The following KMO variants were observed in gnomAD, a reference collection of about 807,000 sequenced individuals.
The protein encoded by KMO is kynurenine 3-hydroxylase.
In KMO, 24 loss-of-function variants were observed where a neutral mutation model predicts 57.8. The observed-to-expected ratio is 0.42, with a 90% CI of 0.30 to 0.58. The LOEUF (loss-of-function observed/expected upper bound fraction) is 0.58. Among genes scored for constraint, KMO ranks in the 20% least tolerant of loss-of-function variants. The probability of loss-of-function intolerance (pLI) is 0.22; values close to 1 mark genes in which losing one functional copy is unlikely to be tolerated. For missense variants in KMO, 483 were observed against 588.2 expected (o/e 0.82, Z 1.85); for synonymous variants, 210 against 193.6 (o/e 1.08, Z -0.70).
At chr1:241,545,242 G>A (rs1014140122) in intron 1 of KMO, among the ~76,000 whole-genome samples, 11 of 152,148 alleles carry the variant, frequency 7.2e-5, no homozygotes, top group African/African-American at 2.4e-4. Flanking sequence ...AGCTTAGAAG[G>A]ACAGACAGAT....
chr1:241,570,331 T>A (rs1283301984), intron 10 of KMO, among the ~76,000 whole-genome samples: 2 of 152,050 alleles, frequency 1.3e-5, no homozygotes. Flanking sequence ...GTTTTTGAGG[T>A]CTTACTTAGA....
chr1:241,585,343 T>C (rs1375261569), intron 10 of KMO, among the ~76,000 whole-genome samples: 2 of 152,284 alleles, frequency 1.3e-5, no homozygotes, highest in East Asian at 1.9e-4. Flanking sequence ...AAAACTATTA[T>C]CTCAGCCCCA....
At chr1:241,543,531 C>T (rs1454128809) in intron 1 of KMO, among the ~76,000 whole-genome samples, 1 of 152,074 alleles carries the variant, frequency 6.6e-6, no homozygotes, top group Non-Finnish European at 1.5e-5. Context: ...CGGGCTATTC[C>T]CCGCTTTTTT....
At chr1:241,584,198 C>T (rs1662874533) in intron 10 of KMO, among the ~76,000 whole-genome samples, 1 of 150,426 alleles carries the variant, frequency 6.6e-6, no homozygotes, top group African/African-American at 2.4e-5. Flanking sequence ...TCTCATTGTT[C>T]AATTCCCACC....
intron 10 of KMO, among the ~76,000 whole-genome samples, chr1:241,583,964 C>G (rs193018287): frequency 6.6e-6 from 1 of 152,164 alleles, no homozygotes; most frequent in East Asian, 1.9e-4. Context: ...AAACATTTAT[C>G]TCATTTACTT....
At chr1:241,557,656 T>C (rs894187274) in intron 5 of KMO, among the ~76,000 whole-genome samples, 16 of 152,186 alleles carry the variant, frequency 1.1e-4, no homozygotes, top group African/African-American at 3.1e-4. Context: ...TATATTCAGG[T>C]TGATCTCAAG....
At chr1:241,583,756 A>C (rs866780049) in intron 10 of KMO, among the ~76,000 whole-genome samples, 15 of 152,174 alleles carry the variant, frequency 9.9e-5, no homozygotes, top group African/African-American at 3.6e-4. Flanking sequence ...TCCAATCAAA[A>C]CTTGACTGAG....
intron 14 of KMO, 187 bp downstream of exon 14, chr1:241,590,450 GCAAAGAGA>G: frequency 5.6e-6 from 3 of 535,816 alleles, no homozygotes; most frequent in Non-Finnish European, 9.9e-6. Context: ...CAAGGAGGTG[GCAAAGAGA>G]GCTTTTGAAG....
intron 1 of KMO, among the ~76,000 whole-genome samples, chr1:241,534,111 A>G (rs903054585): frequency 6.6e-6 from 1 of 152,214 alleles, no homozygotes; most frequent in African/African-American, 2.4e-5. Context: ...TCAAATTACA[A>G]TGGGAAACTA....
chr1:241,560,576 T>C (rs1296142712), intron 5 of KMO, 89 bp from the exon 6 acceptor site: 4 of 938,442 alleles, frequency 4.3e-6, no homozygotes, highest in Middle Eastern at 2.1e-4. Flanking sequence ...TACCATACTG[T>C]TCCCAGAAAA....
chr1:241,594,454 C>A lies in KMO; in HGVS notation c.*2301C>A. 6.2e-7 allele frequency: 1 copy of A among 1,613,466 alleles called. No individual in the cohort carries two copies. The highest frequency in any genetic ancestry group is 8.5e-7 in the Non-Finnish European group (1 of 1,179,508). On this transcript the variant is annotated 3_prime_UTR_variant, in exon 15 of 15. Coordinates refer to ENST00000366559, the MANE Select transcript of KMO (RefSeq NM_003679.5). ...TACAAAGGACGAACTTGGATTACAT[C>A]AACTTTGGACCCATTGGTTTTGTCG...
At chr1:241,579,746 C>T (rs1662677072) in intron 10 of KMO, among the ~76,000 whole-genome samples, 1 of 152,148 alleles carries the variant, frequency 6.6e-6, no homozygotes, top group African/African-American at 2.4e-5. Flanking sequence ...CTTCTGCACT[C>T]GTGGCTGTAG....
chr1:241,549,480 G>C (rs761842782), intron 2 of KMO, among the ~76,000 whole-genome samples, 197 bp from the exon 3 acceptor site: 2 of 151,820 alleles, frequency 1.3e-5, no homozygotes, highest in Non-Finnish European at 2.9e-5. Flanking sequence ...AAAAAAACTA[G>C]TTTTGTTTAA....
intron 14 of KMO, 43 bp from the exon 15 acceptor site, chr1:241,591,910 T>C: frequency 6.6e-7 from 1 of 1,522,320 alleles, no homozygotes; most frequent in Non-Finnish European, 9.1e-7. Flanking sequence ...TTTCAGATTT[T>C]AATCTCTGGA....
In KMO at chr1:241,550,963, C is replaced by A; in HGVS notation, c.231C>A (p.Ser77=). 1 of 1,517,042 alleles carries A rather than the reference C, an allele frequency of 6.6e-7. No individual in the cohort carries two copies. The highest frequency in any genetic ancestry group is 8.9e-7 in the Non-Finnish European group (1 of 1,129,930). 94.0% of individuals were successfully genotyped at this position (1,517,042 alleles called of 1,614,324 possible). ...TTCTGGTTTCATTTCAGATTGTATC[C>A]CAAGGTATTCCCATGAGAGCAAGAA... ...KAVGLEDQIV[S]QGIPMRARMI... Residue 77 remains serine (S), a synonymous_variant, in exon 4 of 15, where the codon TCC becomes TCA. Transcript: ENST00000366559.
At chr1:241,570,191 T>C (rs1662223387) in intron 10 of KMO, among the ~76,000 whole-genome samples, 1 of 152,060 alleles carries the variant, frequency 6.6e-6, no homozygotes, top group Admixed American at 6.5e-5. Flanking sequence ...CTCTTCACTT[T>C]GTTAATTGTT....
Position 241,595,599 on chromosome 1 carries a change from T to A in KMO, c.*3446T>A, listed in dbSNP as rs926754593. The A allele has an allele frequency of 1.3e-5, 2 of 152,232 alleles. No individual in the cohort carries two copies. Among genetic ancestry groups the A allele is most frequent in the East Asian group, 3.8e-4 (2 of 5,206 alleles). 9.4% of individuals were successfully genotyped at this position (152,232 alleles called of 1,614,324 possible). On this transcript the variant is annotated 3_prime_UTR_variant, in exon 15 of 15. Coordinates refer to ENST00000366559, the MANE Select transcript of KMO (RefSeq NM_003679.5). ...GAAATAAATGTTGAATATATGGACT[T>A]TCTCAGATTAGGAAATACCAATTAA...
intron 13 of KMO, 42 bp downstream of exon 13, chr1:241,590,155 G>A (rs745362246): frequency 6.2e-7 from 1 of 1,608,702 alleles, no homozygotes; most frequent in Non-Finnish European, 8.5e-7. Context: ...TTGATTTTCT[G>A]TTTAGCTGTT....
intron 11 of KMO, among the ~76,000 whole-genome samples, chr1:241,588,336 T>C (rs1034713054): frequency 4.4e-5 from 6 of 135,960 alleles, no homozygotes; most frequent in African/African-American, 1.5e-4. Context: ...TTTCTTTTTT[T>C]TTTTTTTTTT....
Sources: gnomAD v4.1 joint callset for allele counts (sites outside exome capture counted in the v4.1 genomes callset) on GRCh38, gnomAD v4.1.1 for gene constraint, MANE v1.5 for transcripts, NCBI Gene and HGNC (gene_info 2026-07-23, HGNC 2026-07-21) for gene names.